SDK2: variants seen among roughly 807,000 people sequenced by gnomAD.
SDK2 encodes sidekick cell adhesion molecule 2.
SDK2 carries 105 observed loss-of-function variants against 253.9 expected under a neutral mutation model. The observed-to-expected ratio is 0.41, with a 90% CI of 0.35 to 0.49. The LOEUF (loss-of-function observed/expected upper bound fraction) is 0.49, where lower values mean the gene tolerates loss of function less well. SDK2 is among the 20% of genes least tolerant of loss of function. The probability of loss-of-function intolerance (pLI) is 0.06; values close to 1 mark genes in which losing one functional copy is unlikely to be tolerated. For missense variants in SDK2, 2,608 were observed against 3,003.0 expected (o/e 0.87, Z 3.07); for synonymous variants, 1,249 against 1,234.9 (o/e 1.01, Z -0.24).
At chr17:73,382,179 T>G (rs2062836573) in intron 33 of SDK2, among the ~76,000 whole-genome samples, 1 of 150,026 alleles carries the variant, frequency 6.7e-6, no homozygotes, top group Non-Finnish European at 1.5e-5. Flanking sequence ...ATGGTGCCAT[T>G]GCACTCCAGC....
intron 1 of SDK2, among the ~76,000 whole-genome samples, chr17:73,576,271 T>C (rs1413537658): frequency 6.6e-6 from 1 of 151,908 alleles, no homozygotes; most frequent in African/African-American, 2.4e-5. Flanking sequence ...GGAAAGAGCA[T>C]GCCAAGGATG....
chr17:73,599,953 T>C (rs115742908), intron 1 of SDK2, among the ~76,000 whole-genome samples: 1,748 of 152,368 alleles, frequency 0.011, 32 homozygotes, highest in African/African-American at 0.039. Flanking sequence ...TGTCAAAGTA[T>C]GTGACTGCTG....
At chr17:73,474,902 G>A (rs533605746) in intron 2 of SDK2, among the ~76,000 whole-genome samples, 4 of 152,306 alleles carry the variant, frequency 2.6e-5, no homozygotes, top group Admixed American at 6.5e-5. Context: ...ATGAAAATAT[G>A]CTCAACTTCC....
At chr17:73,584,633 A>G (rs1415449676) in intron 1 of SDK2, among the ~76,000 whole-genome samples, 1 of 152,228 alleles carries the variant, frequency 6.6e-6, no homozygotes, top group African/African-American at 2.4e-5. Context: ...TGAAGAGTCC[A>G]GGGGCTGAAA....
At chr17:73,392,193 T>C (rs1437669808) in intron 27 of SDK2, among the ~76,000 whole-genome samples, 1 of 36,428 alleles carries the variant, frequency 2.7e-5, no homozygotes, top group Admixed American at 2.5e-4. Context: ...GGGCAGGGGG[T>C]GGGGGAGGGT....
chr17:73,338,483 G>T lies in SDK2; in HGVS notation c.*104C>A, dbSNP rs1384495372. On this transcript the variant is annotated 3_prime_UTR_variant, in exon 45 of 45. Transcript: ENST00000392650. This position sits in a 1 kb window ranked among gnomAD's most constrained non-coding sequence, Gnocchi z 5.0. ...GAAAAATAAACTCAGGAGGTGAAAA[G>T]TTGACTTGGTTTCTTGGTGTTTTTG... 4 of 773,628 alleles carry T rather than the reference G, an allele frequency of 5.2e-6. No individual in the cohort carries two copies. In the South Asian group the frequency reaches 6.2e-5, roughly 12 times the overall value. 47.9% of individuals were successfully genotyped at this position (773,628 alleles called of 1,614,324 possible). A position where few individuals can be genotyped will look rare whatever the true frequency, so the allele number is the denominator to read the frequency against.
chr17:73,587,387 A>C (rs1055113348), intron 1 of SDK2, among the ~76,000 whole-genome samples: 1 of 152,236 alleles, frequency 6.6e-6, no homozygotes, highest in East Asian at 1.9e-4. Context: ...CTGCCAAGTA[A>C]CTTTGAGCCA....
chr17:73,641,365 G>C (rs2046396184), intron 1 of SDK2, among the ~76,000 whole-genome samples: 1 of 152,220 alleles, frequency 6.6e-6, no homozygotes, highest in Non-Finnish European at 1.5e-5. Context: ...GAGGCTCTTA[G>C]TGGCTAAGAG....
At chr17:73,426,862 G>A (rs2063288035) in intron 12 of SDK2, among the ~76,000 whole-genome samples, 1 of 152,064 alleles carries the variant, frequency 6.6e-6, no homozygotes, top group Admixed American at 6.6e-5. Flanking sequence ...CGAGGCTGGC[G>A]GATCATGAGG....
At position 73,430,474 on chromosome 17, in the gene SDK2, C is replaced by A. The variant is rs767036752; in HGVS notation, c.1583+37G>T. On this transcript the variant is annotated intron_variant, in intron 12 of 44. Transcript: ENST00000392650. Reference sequence around the variant, plus strand: ...TACAAGCTATTGCCAGAGGCTCCCCCTCCCCTCTTGCCTGGAGTCAACAGC... The same window carrying A: ...TACAAGCTATTGCCAGAGGCTCCCCATCCCCTCTTGCCTGGAGTCAACAGC... 2.0e-6 allele frequency: 3 copies of A among 1,494,476 alleles called. No homozygotes were observed. The South Asian group carries it at 3.5e-5, about 18-fold the overall frequency. The allele number at this position is 1,494,476 out of a possible 1,614,324, so 92.6% of individuals were successfully genotyped here. A position where few individuals can be genotyped will look rare whatever the true frequency, so the allele number is the denominator to read the frequency against.
intron 5 of SDK2, among the ~76,000 whole-genome samples, chr17:73,445,642 T>G (rs2063448114): frequency 6.6e-6 from 1 of 151,558 alleles, no homozygotes; most frequent in Non-Finnish European, 1.5e-5. Context: ...AGGAGAGGAA[T>G]GAGGGGAGCT....
chr17:73,365,934 ACAGT>A (rs2062681030), intron 37 of SDK2, among the ~76,000 whole-genome samples: 4 of 152,096 alleles, frequency 2.6e-5, no homozygotes, highest in Admixed American at 2.6e-4. Flanking sequence ...CACGCCAAGG[ACAGT>A]CAGACCCTCT....
At chr17:73,516,347 C>A (rs2064027081) in intron 1 of SDK2, among the ~76,000 whole-genome samples, 1 of 152,232 alleles carries the variant, frequency 6.6e-6, no homozygotes, top group African/African-American at 2.4e-5. Context: ...TCGGCCCCTG[C>A]CCTTCAGAAG....
intron 1 of SDK2, among the ~76,000 whole-genome samples, chr17:73,577,405 A>C (rs1243014387): frequency 2.0e-5 from 3 of 152,218 alleles, no homozygotes; most frequent in Non-Finnish European, 4.4e-5. Context: ...TGGGTCCCAG[A>C]GACAGACAGG....
Position 73,496,381 on chromosome 17 carries a change from G to A in SDK2, c.224+11057C>T, listed in dbSNP as rs2063841678. ...ATCACAAGGTGGGATGCTGGGGCTG[G>A]ATCTGGGAAGATAAACAACGGTTTG... On this transcript the variant is annotated intron_variant, in intron 2 of 44. Transcript: ENST00000392650. The surrounding 1 kb of genome is among the most constrained non-coding windows in gnomAD (Gnocchi z 4.7). 6.6e-6 allele frequency among the ~76,000 whole-genome samples: 1 copy of A among 152,202 alleles called. No homozygotes were observed.
chr17:73,357,817 A>T, intron 40 of SDK2: 1 of 586,722 alleles, frequency 1.7e-6, no homozygotes, highest in Non-Finnish European at 3.1e-6. Context: ...CGGCTTCCTG[A>T]GCAATCCTCA....
chr17:73,638,786 T>C (rs2046362502), intron 1 of SDK2, among the ~76,000 whole-genome samples: 1 of 151,332 alleles, frequency 6.6e-6, no homozygotes, highest in Admixed American at 6.6e-5. Context: ...CCAAGACAAC[T>C]CTAAAAGGTA....
rs563497490 is a variant in SDK2, at chr17:73,435,767, T to C, written c.1001-123A>G. ...GGGGTCCCTGGTGAATCTTGGTGTCTAGAACCTTCTCAGAGGTGCCACTTT... is the reference window on the plus strand; with the variant it reads ...GGGGTCCCTGGTGAATCTTGGTGTCCAGAACCTTCTCAGAGGTGCCACTTT... On this transcript the variant is annotated intron_variant, in intron 8 of 44. Coordinates refer to ENST00000392650, the MANE Select transcript of SDK2 (RefSeq NM_001144952.2). The surrounding 1 kb of genome is among the most constrained non-coding windows in gnomAD (Gnocchi z 5.7). 1.5e-5 allele frequency: 13 copies of C among 857,506 alleles called. No individual in the cohort carries two copies. In the Admixed American group the frequency reaches 3.7e-4, roughly 24 times the overall value. The allele number at this position is 857,506 out of a possible 1,614,324, so 53.1% of individuals were successfully genotyped here. A position where few individuals can be genotyped will look rare whatever the true frequency, so the allele number is the denominator to read the frequency against.
chr17:73,436,670 C>T (rs965268191), intron 8 of SDK2, among the ~76,000 whole-genome samples: 1 of 151,824 alleles, frequency 6.6e-6, no homozygotes, highest in Admixed American at 6.6e-5. Flanking sequence ...CCCACTAAGC[C>T]TGCTTGCCTT....
Sources: allele counts gnomAD v4.1 joint callset (sites outside exome capture counted in the v4.1 genomes callset), GRCh38; gene constraint gnomAD v4.1.1; non-coding constraint Gnocchi (gnomAD v3.1); transcripts MANE v1.5; gene names NCBI Gene and HGNC (gene_info 2026-07-23, HGNC 2026-07-21).